Variants in RAB27B observed in about 807,000 individuals in gnomAD.
RAB27B encodes ras-related protein Rab-27B.
Under a neutral mutation model 24.6 loss-of-function variants are expected in RAB27B, and 15 were observed. That is an observed-to-expected ratio of 0.61 (90% confidence interval 0.41 to 0.94). RAB27B has a LOEUF of 0.94. Ranked by LOEUF, RAB27B falls within the 40% of genes least tolerant of loss-of-function variation. RAB27B has a pLI of 0.00. For synonymous variants in RAB27B, 105 were observed against 92.5 expected (o/e 1.14, Z -0.78); for missense variants, 261 against 266.8 (o/e 0.98, Z 0.15).
intron 1 of RAB27B, among the ~76,000 whole-genome samples, chr18:54,855,559 C>T (rs1911751960): frequency 6.6e-6 from 1 of 152,150 alleles, no homozygotes. Context: ...CTTCAGTAGT[C>T]TTACCCTTGA....
chr18:54,800,492 A>G (rs1027496087), intron 2 of RAB27B, among the ~76,000 whole-genome samples: 2 of 152,202 alleles, frequency 1.3e-5, no homozygotes, highest in Non-Finnish European at 2.9e-5. Context: ...ATTCCTTTTT[A>G]GTATAATTGA....
intron 2 of RAB27B, among the ~76,000 whole-genome samples, chr18:54,722,421 C>A (rs186506186): frequency 1.2e-4 from 19 of 152,240 alleles, no homozygotes; most frequent in African/African-American, 4.1e-4. Flanking sequence ...TCCTCTCAGG[C>A]AATGCTGTAG....
At chr18:54,717,978 C>G (rs1387917542) in intron 1 of RAB27B, 3 of 152,234 alleles carry the variant, frequency 2.0e-5, no homozygotes, top group African/African-American at 7.2e-5. Context: ...AATACTGTCA[C>G]GTGCCTTTAG....
intron 2 of RAB27B, among the ~76,000 whole-genome samples, chr18:54,810,657 C>G (rs541379015): frequency 6.6e-6 from 1 of 151,872 alleles, no homozygotes; most frequent in Admixed American, 6.6e-5. Context: ...TAGTGAAACC[C>G]CATCTCTACT....
upstream of RAB27B, among the ~76,000 whole-genome samples, chr18:54,826,259 A>G (rs1217439898): frequency 6.6e-6 from 1 of 152,180 alleles, no homozygotes; most frequent in African/African-American, 2.4e-5. Flanking sequence ...ATGCTACATA[A>G]ACTCCAGGTA....
intron 1 of RAB27B, among the ~76,000 whole-genome samples, chr18:54,839,543 G>A (rs184939013): frequency 1.3e-5 from 2 of 152,240 alleles, no homozygotes; most frequent in Admixed American, 6.5e-5. Context: ...GGTAATGCAG[G>A]CAACAGTTAG....
intron 2 of RAB27B, among the ~76,000 whole-genome samples, chr18:54,765,736 A>G (rs887197504): frequency 6.6e-6 from 1 of 152,094 alleles, no homozygotes; most frequent in Non-Finnish European, 1.5e-5. Flanking sequence ...CCCCATACCC[A>G]CTTCAACCAC....
intron 1 of RAB27B, among the ~76,000 whole-genome samples, chr18:54,857,735 G>A (rs1221265025): frequency 8.5e-5 from 13 of 152,290 alleles, no homozygotes; most frequent in African/African-American, 2.9e-4. Flanking sequence ...GACGCAATGT[G>A]CACATGCTCT....
chr18:54,825,024 A>G (rs995350447), upstream of RAB27B, among the ~76,000 whole-genome samples: 4 of 152,204 alleles, frequency 2.6e-5, no homozygotes, highest in African/African-American at 9.6e-5. Flanking sequence ...CACAGGATGT[A>G]TATTTTTTAA....
intron 2 of RAB27B, among the ~76,000 whole-genome samples, chr18:54,754,084 ACT>A (rs1907923090): frequency 6.6e-6 from 1 of 152,050 alleles, no homozygotes; most frequent in Non-Finnish European, 1.5e-5. Flanking sequence ...TCCCCACCTA[ACT>A]CTCATCTTGA....
At chr18:54,790,043 A>C (rs1257740435) in intron 2 of RAB27B, among the ~76,000 whole-genome samples, 1 of 152,122 alleles carries the variant, frequency 6.6e-6, no homozygotes, top group African/African-American at 2.4e-5. Context: ...ACATGAGGTA[A>C]ATTCCTTACT....
intron 2 of RAB27B, among the ~76,000 whole-genome samples, chr18:54,794,335 G>T (rs1909347325): frequency 6.6e-6 from 1 of 152,132 alleles, no homozygotes; most frequent in Non-Finnish European, 1.5e-5. Context: ...ATATTTTTCT[G>T]AGTGTCATTA....
At chr18:54,826,426 T>C (rs1910478948), upstream of RAB27B, among the ~76,000 whole-genome samples, 1 of 152,182 alleles carries the variant, frequency 6.6e-6, no homozygotes, top group Non-Finnish European at 1.5e-5. Context: ...ACTCTTTCTC[T>C]TCCTTGGAAC....
chr18:54,785,187 C>T (rs536545946), intron 2 of RAB27B, among the ~76,000 whole-genome samples: 464 of 152,044 alleles, frequency 3.1e-3, no homozygotes, highest in Non-Finnish European at 4.7e-3. Flanking sequence ...CTGCAACCTT[C>T]GCCTCCCAGG....
intron 2 of RAB27B, among the ~76,000 whole-genome samples, chr18:54,750,839 G>A (rs1201445951): frequency 6.6e-6 from 1 of 152,178 alleles, no homozygotes; most frequent in East Asian, 1.9e-4. Context: ...TTCTGGAAGA[G>A]AATGTAACAG....
intron 2 of RAB27B, among the ~76,000 whole-genome samples, chr18:54,745,910 C>T (rs913906592): frequency 5.4e-5 from 8 of 148,558 alleles, no homozygotes; most frequent in African/African-American, 1.8e-4. Flanking sequence ...ACACTGCTGG[C>T]CAAGATAAAT....
chr18:54,756,486 C>T (rs2145042222), intron 2 of RAB27B, among the ~76,000 whole-genome samples: 1 of 152,120 alleles, frequency 6.6e-6, no homozygotes, highest in African/African-American at 2.4e-5. Context: ...TTCTTTAGCC[C>T]CTAGGAACTT....
At chr18:54,844,408 CTTTTT>C (rs148747981) in intron 1 of RAB27B, among the ~76,000 whole-genome samples, 15 of 107,866 alleles carry the variant, frequency 1.4e-4, no homozygotes, top group Admixed American at 3.0e-4. Flanking sequence ...CTTTTCTTTT[CTTTTT>C]TTTTTTTTTT....
intron 2 of RAB27B, among the ~76,000 whole-genome samples, chr18:54,802,958 T>C (rs116379632): frequency 0.019 from 2,846 of 152,306 alleles, 86 homozygotes; most frequent in African/African-American, 0.065. Flanking sequence ...TACATAAGCA[T>C]TTTGATTTAA....
Sources: gnomAD v4.1 joint callset for allele counts (sites outside exome capture counted in the v4.1 genomes callset) on GRCh38, gnomAD v4.1.1 for gene constraint, MANE v1.5 for transcripts, NCBI Gene and HGNC (gene_info 2026-07-23, HGNC 2026-07-21) for gene names.